LRFN5: variants seen among roughly 807,000 people sequenced by gnomAD.
LRFN5 encodes leucine rich repeat and fibronectin type III domain containing 5, also known as leucine-rich repeat and fibronectin type-III domain-containing protein 5.
In LRFN5, 24 loss-of-function variants were observed where a neutral mutation model predicts 45.6. The observed-to-expected ratio is 0.53, with a 90% CI of 0.38 to 0.74. The LOEUF (loss-of-function observed/expected upper bound fraction) is 0.74. LRFN5 is among the 30% of genes least tolerant of loss of function. The pLI, the probability that LRFN5 is intolerant of heterozygous loss-of-function variation, is 0.00. For synonymous variants in LRFN5, 340 were observed against 313.8 expected, an observed-to-expected ratio of 1.08 and a Z score of -0.88; for missense variants, 776 against 861.5, an observed-to-expected ratio of 0.90 and a Z score of 1.24.
In LRFN5 at chr14:41,667,133, G is replaced by A. The variant is rs1880938312; in HGVS notation, c.-197+58571G>A. On this transcript the variant is annotated intron_variant, in intron 1 of 5. Coordinates refer to ENST00000298119, the MANE Select transcript of LRFN5 (RefSeq NM_152447.5). ...TTGGTTAAAACAAGACAAAGAATTA[G>A]TGGGTAGTCAGGATCAATGTAAGGA... is the stretch of plus-strand genomic sequence containing the variant. 2.0e-5 allele frequency among the ~76,000 whole-genome samples: 3 copies of A among 152,148 alleles called. No individual in the cohort carries two copies. The South Asian group carries it at 6.2e-4, about 31-fold the overall frequency.
At chr14:41,897,321 A>G (rs929651508) in intron 4 of LRFN5, among the ~76,000 whole-genome samples, 4 of 151,884 alleles carry the variant, frequency 2.6e-5, no homozygotes, top group Admixed American at 6.6e-5. Context: ...GAATATAACA[A>G]AATAATCACT....
intron 1 of LRFN5, among the ~76,000 whole-genome samples, chr14:41,729,571 A>G (rs1320554754): frequency 1.3e-5 from 2 of 152,088 alleles, no homozygotes; most frequent in African/African-American, 2.4e-5. Context: ...TTCATAAACA[A>G]TCGTTTCCTA....
intron 2 of LRFN5, among the ~76,000 whole-genome samples, chr14:41,778,338 T>A (rs1303939504): frequency 6.6e-6 from 1 of 151,714 alleles, no homozygotes; most frequent in African/African-American, 2.4e-5. Flanking sequence ...TGTGTGAGCT[T>A]ATGCAGACAA....
At chr14:41,626,255 A>G (rs552290667) in intron 1 of LRFN5, among the ~76,000 whole-genome samples, 1 of 152,264 alleles carries the variant, frequency 6.6e-6, no homozygotes, top group South Asian at 2.1e-4. Flanking sequence ...ATTAAAGGCC[A>G]GTATATGCTA....
chr14:41,721,611 T>C (rs1240122457), intron 1 of LRFN5, among the ~76,000 whole-genome samples: 1 of 152,170 alleles, frequency 6.6e-6, no homozygotes, highest in Non-Finnish European at 1.5e-5. Flanking sequence ...AAAAAATGTA[T>C]CTCCTTTGTT....
chr14:41,819,725 T>TCA, intron 2 of LRFN5, among the ~76,000 whole-genome samples: 1 of 152,158 alleles, frequency 6.6e-6, no homozygotes, highest in Admixed American at 6.6e-5. Flanking sequence ...TGAGAACTCA[T>TCA]TATGGTCACT....
intron 2 of LRFN5, among the ~76,000 whole-genome samples, chr14:41,784,379 A>G (rs148425211): frequency 6.6e-6 from 1 of 151,914 alleles, no homozygotes; most frequent in African/African-American, 2.4e-5. Flanking sequence ...TGACCTTTTT[A>G]AAAATTTTTA....
At chr14:41,849,706 G>T (rs113531458) in intron 2 of LRFN5, among the ~76,000 whole-genome samples, 4,215 of 152,086 alleles carry the variant, frequency 0.028, 87 homozygotes, top group African/African-American at 0.058. Flanking sequence ...TTTACTGCAT[G>T]CATGGTGTAA....
intron 1 of LRFN5, among the ~76,000 whole-genome samples, chr14:41,675,938 C>T (rs1191417160): frequency 1.3e-5 from 2 of 152,092 alleles, no homozygotes; most frequent in African/African-American, 4.8e-5. Flanking sequence ...ATAAAAACAG[C>T]GAGGGACTGC....
chr14:41,652,423 A>T (rs1378994176), intron 1 of LRFN5, among the ~76,000 whole-genome samples: 1 of 152,130 alleles, frequency 6.6e-6, no homozygotes, highest in African/African-American at 2.4e-5. Flanking sequence ...TCATTACTTA[A>T]CGTAACAATA....
chr14:41,802,673 C>T (rs1018064388), intron 2 of LRFN5, among the ~76,000 whole-genome samples: 1 of 152,036 alleles, frequency 6.6e-6, no homozygotes, highest in South Asian at 2.1e-4. Flanking sequence ...AACTGAAAAC[C>T]CTTCCTTCCA....
At chr14:41,769,532 G>C (rs924143859) in intron 2 of LRFN5, among the ~76,000 whole-genome samples, 2 of 152,054 alleles carry the variant, frequency 1.3e-5, no homozygotes, top group Non-Finnish European at 2.9e-5. Context: ...ATTTACATAT[G>C]TGTGTGTATA....
At chr14:41,790,179 C>G (rs1886868994) in intron 2 of LRFN5, among the ~76,000 whole-genome samples, 1 of 151,784 alleles carries the variant, frequency 6.6e-6, no homozygotes, top group East Asian at 1.9e-4. Context: ...GACACTTTTT[C>G]TAGGAATTTG....
chr14:41,861,062 A>G (rs765583986), intron 2 of LRFN5, among the ~76,000 whole-genome samples: 1 of 152,334 alleles, frequency 6.6e-6, no homozygotes, highest in African/African-American at 2.4e-5. Context: ...ACACTTCTTC[A>G]GAATGTCATT....
intron 1 of LRFN5, among the ~76,000 whole-genome samples, chr14:41,680,994 G>GTC (rs1317244872): frequency 6.6e-6 from 1 of 152,020 alleles, no homozygotes; most frequent in Non-Finnish European, 1.5e-5. Context: ...ATGTGTCACA[G>GTC]TCTCTTAACA....
chr14:41,805,621 T>C (rs1439177009), intron 2 of LRFN5, among the ~76,000 whole-genome samples: 2 of 150,454 alleles, frequency 1.3e-5, no homozygotes, highest in African/African-American at 4.9e-5. Flanking sequence ...GTTCTCATTG[T>C]TCAATTCCCA....
intron 2 of LRFN5, among the ~76,000 whole-genome samples, chr14:41,771,051 G>A (rs908470552): frequency 1.3e-5 from 2 of 152,026 alleles, no homozygotes; most frequent in Middle Eastern, 3.4e-3. Flanking sequence ...GTGCCTTCTG[G>A]AGCTGTGGTT....
At chr14:41,780,105 C>T (rs1886429751) in intron 2 of LRFN5, among the ~76,000 whole-genome samples, 1 of 151,718 alleles carries the variant, frequency 6.6e-6, no homozygotes, top group Non-Finnish European at 1.5e-5. Flanking sequence ...GCAGTGCTTT[C>T]ACTGGTTTTG....
At chr14:41,615,599 G>A (rs906600979) in intron 1 of LRFN5, among the ~76,000 whole-genome samples, 2 of 152,046 alleles carry the variant, frequency 1.3e-5, no homozygotes, top group African/African-American at 4.8e-5. Context: ...CAACAACCAC[G>A]TGGGTAGACT....
Sources: gnomAD v4.1 joint callset for allele counts (sites outside exome capture counted in the v4.1 genomes callset) on GRCh38, gnomAD v4.1.1 for gene constraint, MANE v1.5 for transcripts, NCBI Gene and HGNC (gene_info 2026-07-23, HGNC 2026-07-21) for gene names.